ERBB4: variants seen among roughly 807,000 people sequenced by gnomAD.
The protein encoded by ERBB4 is erb-b2 receptor tyrosine kinase 4.
ERBB4 carries 42 observed loss-of-function variants against 158.0 expected under a neutral mutation model. That is an observed-to-expected ratio of 0.27 (90% CI 0.21 to 0.34). The LOEUF (loss-of-function observed/expected upper bound fraction) is 0.34, where lower values mean the gene tolerates loss of function less well. Ranked by LOEUF, ERBB4 falls within the 10% of genes least tolerant of loss-of-function variation. The probability of loss-of-function intolerance (pLI) is 1.00; values close to 1 mark genes in which losing one functional copy is unlikely to be tolerated. For synonymous variants in ERBB4, 583 were observed against 558.7 expected, an observed-to-expected ratio of 1.04 and a Z score of -0.61; for missense variants, 1,333 against 1,624.1, an observed-to-expected ratio of 0.82 and a Z score of 3.08.
At chr2:212,134,310 A>AT (rs1390580008) in intron 1 of ERBB4, among the ~76,000 whole-genome samples, 1 of 152,018 alleles carries the variant, frequency 6.6e-6, no homozygotes, top group East Asian at 1.9e-4. Flanking sequence ...ATAATTCTGG[A>AT]TTTTATTGCT....
chr2:212,426,603 G>A (rs537230506), intron 1 of ERBB4, among the ~76,000 whole-genome samples: 8 of 151,938 alleles, frequency 5.3e-5, no homozygotes, highest in East Asian at 1.9e-4. Context: ...AGGTTCCTGC[G>A]TGTTTATATC....
chr2:212,367,050 T>C (rs184587343), intron 1 of ERBB4, among the ~76,000 whole-genome samples: 1 of 151,974 alleles, frequency 6.6e-6, no homozygotes, highest in African/African-American at 2.4e-5. Context: ...ATAGGACTGG[T>C]GTCCTTATAA....
intron 3 of ERBB4, among the ~76,000 whole-genome samples, chr2:211,933,531 T>G (rs148878501): frequency 0.035 from 5,338 of 152,184 alleles, 129 homozygotes; most frequent in Middle Eastern, 0.088. Flanking sequence ...GCATCTATAT[T>G]GTTTATTTTC....
chr2:211,393,422 A>G (rs2062844746), intron 25 of ERBB4, among the ~76,000 whole-genome samples: 1 of 152,246 alleles, frequency 6.6e-6, no homozygotes, highest in Non-Finnish European at 1.5e-5. Flanking sequence ...ATCTGACCAC[A>G]TAGCCCGTCA....
intron 2 of ERBB4, among the ~76,000 whole-genome samples, chr2:212,010,773 C>A (rs989115735): frequency 1.3e-5 from 2 of 152,070 alleles, no homozygotes; most frequent in African/African-American, 4.8e-5. Context: ...CAGGACATAT[C>A]TCAGTCCTTA....
chr2:212,006,739 G>A (rs983426521), intron 2 of ERBB4, among the ~76,000 whole-genome samples: 2 of 151,994 alleles, frequency 1.3e-5, no homozygotes, highest in Admixed American at 6.6e-5. Context: ...GTCTGGCAAA[G>A]CAGATACTAT....
intron 2 of ERBB4, among the ~76,000 whole-genome samples, chr2:211,966,655 C>T (rs2081319170): frequency 6.6e-6 from 1 of 151,916 alleles, no homozygotes. Flanking sequence ...GTTTATATAC[C>T]ATTACATGTT....
intron 18 of ERBB4, among the ~76,000 whole-genome samples, chr2:211,621,296 T>C (rs557345075): frequency 5.3e-5 from 8 of 152,210 alleles, no homozygotes; most frequent in Admixed American, 5.2e-4. Flanking sequence ...ATGATATTGG[T>C]CCTAATCTTT....
chr2:211,388,582 TTTAAG>T (rs2062736831), intron 25 of ERBB4, among the ~76,000 whole-genome samples: 1 of 152,044 alleles, frequency 6.6e-6, no homozygotes, highest in South Asian at 2.1e-4. Context: ...GTTTTTTTTT[TTTAAG>T]TTAAGAAAGA....
chr2:212,162,829 A>G (rs540359038), intron 1 of ERBB4, among the ~76,000 whole-genome samples: 30 of 152,078 alleles, frequency 2.0e-4, no homozygotes, highest in African/African-American at 7.2e-4. Flanking sequence ...GTAAATTGCA[A>G]TCTGATTTAC....
At chr2:211,718,618 A>G (rs1049366585) in intron 7 of ERBB4, among the ~76,000 whole-genome samples, 2 of 152,208 alleles carry the variant, frequency 1.3e-5, no homozygotes, top group Non-Finnish European at 2.9e-5. Context: ...AGCCATCAAC[A>G]TAGACAATCT....
intron 1 of ERBB4, among the ~76,000 whole-genome samples, chr2:212,485,548 G>A (rs1480233140): frequency 2.0e-5 from 3 of 152,100 alleles, no homozygotes; most frequent in Non-Finnish European, 2.9e-5. Context: ...AAGACAGCAG[G>A]GGAATTTCAA....
At chr2:211,840,271 A>G (rs1246662771) in intron 3 of ERBB4, among the ~76,000 whole-genome samples, 2 of 152,080 alleles carry the variant, frequency 1.3e-5, no homozygotes, top group East Asian at 3.9e-4. Flanking sequence ...TGCCACCAAG[A>G]AAGACGTGAC....
intron 1 of ERBB4, among the ~76,000 whole-genome samples, chr2:212,315,062 C>T (rs1357781810): frequency 6.6e-6 from 1 of 151,288 alleles, no homozygotes; most frequent in East Asian, 2.0e-4. Flanking sequence ...AGCATTATTA[C>T]ACACCAAAAC....
chr2:211,773,598 TTATATATATATATATATA>T lies in ERBB4; in HGVS notation c.556+14409_556+14426del, dbSNP rs1171015959. Among the ~76,000 whole-genome samples, 136 of 29,792 alleles carry T rather than the reference TTATATATATATATATATA, an allele frequency of 4.6e-3. 6 individuals carry two copies. The highest frequency in any genetic ancestry group is 0.018 in the Admixed American group (39 of 2,196). 19.5% of individuals were successfully genotyped at this position (29,792 alleles called of 152,430 possible). ...AAGTAAGGATTATACTTCTGTAACTTTATATATATATATATATATATATATATATATATATATATATAT... is the reference window on the plus strand; with the variant it reads ...AAGTAAGGATTATACTTCTGTAACTTTATATATATATATATATATATATAT... On this transcript the variant is annotated intron_variant, in intron 4 of 27. Coordinates refer to ENST00000342788, the MANE Select transcript of ERBB4 (RefSeq NM_005235.3).
intron 3 of ERBB4, among the ~76,000 whole-genome samples, chr2:211,862,977 G>A (rs555430503): frequency 3.2e-4 from 49 of 151,584 alleles, no homozygotes; most frequent in African/African-American, 9.7e-4. Flanking sequence ...AGCACTCTGC[G>A]TCTAGCTAAA....
chr2:212,305,548 GA>G (rs1017421777), intron 1 of ERBB4, among the ~76,000 whole-genome samples: 7 of 150,682 alleles, frequency 4.6e-5, no homozygotes, highest in Middle Eastern at 3.2e-3. Context: ...TCTATCAAGG[GA>G]AACTACCATG....
At chr2:212,132,784 TGC>T (rs2080145864) in intron 1 of ERBB4, among the ~76,000 whole-genome samples, 1 of 152,050 alleles carries the variant, frequency 6.6e-6, no homozygotes, top group Non-Finnish European at 1.5e-5. Context: ...TATGTGTGTG[TGC>T]GCGCTATATA....
chr2:211,384,868 T>TA (rs1167503737), intron 27 of ERBB4, among the ~76,000 whole-genome samples: 1 of 152,112 alleles, frequency 6.6e-6, no homozygotes, highest in African/African-American at 2.4e-5. Context: ...ATCTAATAAA[T>TA]CCATCTAGTA....
Sources: gnomAD v4.1 joint callset for allele counts (sites outside exome capture counted in the v4.1 genomes callset) on GRCh38, gnomAD v4.1.1 for gene constraint, MANE v1.5 for transcripts, NCBI Gene and HGNC (gene_info 2026-07-23, HGNC 2026-07-21) for gene names.